LRRC18: variants seen among roughly 807,000 people sequenced by gnomAD.
LRRC18 encodes leucine rich repeat containing 18, also known as leucine-rich repeat-containing protein 18.
In LRRC18, 12 loss-of-function variants were observed where a neutral mutation model predicts 11.2. The observed-to-expected ratio is 1.07, with a 90% confidence interval of 0.69 to 1.74. The LOEUF (loss-of-function observed/expected upper bound fraction) is 1.74. LRRC18 is among the 40% of genes most tolerant of loss of function. LRRC18 has a pLI of 0.00. For synonymous variants in LRRC18, 155 were observed against 130.6 expected, an observed-to-expected ratio of 1.19 and a Z score of -1.27; for missense variants, 374 against 330.5, an observed-to-expected ratio of 1.13 and a Z score of -1.02.
the LRRC18 span, among the ~76,000 whole-genome samples, chr10:48,927,812 C>A: frequency 6.6e-6 from 1 of 152,336 alleles, no homozygotes; most frequent in Non-Finnish European, 1.5e-5. Flanking sequence ...GGTTTAATAG[C>A]ATCTATTTTG....
intron 1 of LRRC18, among the ~76,000 whole-genome samples, chr10:48,911,759 T>C (rs940100658): frequency 5.3e-5 from 8 of 152,148 alleles, no homozygotes; most frequent in South Asian, 2.1e-4. Flanking sequence ...AGCTACTATA[T>C]TTAGTAGTAT....
At chr10:48,920,842 C>T in the LRRC18 span, among the ~76,000 whole-genome samples, 1 of 152,176 alleles carries the variant, frequency 6.6e-6, no homozygotes, top group Non-Finnish European at 1.5e-5. Flanking sequence ...ACAAAACACC[C>T]ATTGCATTTC....
At chr10:48,928,101 T>G in the LRRC18 span, among the ~76,000 whole-genome samples, 1 of 152,174 alleles carries the variant, frequency 6.6e-6, no homozygotes, top group Non-Finnish European at 1.5e-5. Flanking sequence ...TGTTATTTTG[T>G]CTTCTCCTCA....
exon 2 of LRRC18, chr10:48,909,916 G>A (rs1303828990): frequency 3.1e-6 from 1 of 322,486 alleles, no homozygotes; most frequent in African/African-American, 2.1e-5. Context: ...AAATGTAGAG[G>A]CAGTAAGCCT....
At chr10:48,931,533 G>A in the LRRC18 span, among the ~76,000 whole-genome samples, 1 of 152,208 alleles carries the variant, frequency 6.6e-6, no homozygotes, top group East Asian at 1.9e-4. Flanking sequence ...GGGAGGATAT[G>A]TCAAGCAAAA....
At chr10:48,939,237 G>T in the LRRC18 span, among the ~76,000 whole-genome samples, 2 of 152,240 alleles carry the variant, frequency 1.3e-5, no homozygotes, top group African/African-American at 4.8e-5. Flanking sequence ...GAGTAGAAAA[G>T]AATCTCCCCT....
At chr10:48,910,347 G>C in intron 1 of LRRC18, 89 bp from the exon 4 acceptor site, 1 of 1,145,948 alleles carries the variant, frequency 8.7e-7, no homozygotes, top group South Asian at 1.2e-5. Flanking sequence ...AGCTCACCAA[G>C]GTCATGCCTG....
At chr10:48,931,497 G>T in the LRRC18 span, among the ~76,000 whole-genome samples, 1 of 152,214 alleles carries the variant, frequency 6.6e-6, no homozygotes, top group Non-Finnish European at 1.5e-5. Flanking sequence ...GTTGTGAGAG[G>T]GTGGCCCGTA....
chr10:48,928,734 G>T, the LRRC18 span, among the ~76,000 whole-genome samples: 3 of 152,282 alleles, frequency 2.0e-5, no homozygotes, highest in South Asian at 2.1e-4. Flanking sequence ...CCCATCTGCC[G>T]CAGGACAGCT....
upstream of LRRC18, among the ~76,000 whole-genome samples, chr10:48,916,951 A>T (rs1301548972): frequency 1.3e-5 from 2 of 151,894 alleles, no homozygotes; most frequent in African/African-American, 2.4e-5. Context: ...TCAATGACAG[A>T]TTGCATATAT....
At chr10:48,937,399 A>G in the LRRC18 span, among the ~76,000 whole-genome samples, 1 of 152,188 alleles carries the variant, frequency 6.6e-6, no homozygotes. Context: ...AGGGTCCTGG[A>G]GCAAGATCTG....
upstream of LRRC18, among the ~76,000 whole-genome samples, chr10:48,915,732 C>T (rs374080479): frequency 2.2e-4 from 34 of 152,158 alleles, no homozygotes; most frequent in South Asian, 2.1e-4. Flanking sequence ...TCCTACCCTG[C>T]GAAAGGCCTG....
chr10:48,924,126 T>C, the LRRC18 span, among the ~76,000 whole-genome samples: 2 of 152,314 alleles, frequency 1.3e-5, no homozygotes, highest in East Asian at 1.9e-4. Context: ...TAGGATAATG[T>C]ACTTCACCTC....
At chr10:48,930,364 C>T in the LRRC18 span, among the ~76,000 whole-genome samples, 1 of 152,198 alleles carries the variant, frequency 6.6e-6, no homozygotes, top group African/African-American at 2.4e-5. Context: ...TGAGTGTGTA[C>T]CCTCTTGGAG....
At chr10:48,930,729 G>A in the LRRC18 span, among the ~76,000 whole-genome samples, 24 of 152,156 alleles carry the variant, frequency 1.6e-4, no homozygotes, top group African/African-American at 5.1e-4. Flanking sequence ...AACAATAGAT[G>A]AGTGATTAAA....
chr10:48,913,309 CT>C (rs1229390519), intron 1 of LRRC18, 82 bp downstream of exon 3: 8 of 1,337,056 alleles, frequency 6.0e-6, no homozygotes, highest in Non-Finnish European at 8.2e-6. Context: ...CAGGGGAGCC[CT>C]TGGTTTCCTG....
At chr10:48,934,464 T>G in the LRRC18 span, among the ~76,000 whole-genome samples, 1 of 152,194 alleles carries the variant, frequency 6.6e-6, no homozygotes, top group African/African-American at 2.4e-5. Flanking sequence ...TCACAAAGAC[T>G]CTAAGTAGAG....
exon 1 of LRRC18, chr10:48,913,553 C>G: frequency 6.2e-7 from 1 of 1,614,126 alleles, no homozygotes; most frequent in Non-Finnish European, 8.5e-7. Context: ...CCTTCTCCTC[C>G]ACAACATACA....
the LRRC18 span, among the ~76,000 whole-genome samples, chr10:48,937,328 C>T: frequency 6.6e-5 from 10 of 152,196 alleles, no homozygotes; most frequent in Non-Finnish European, 1.5e-4. Flanking sequence ...TGTCAGGTAG[C>T]TGGCATTTCA....
Sources: gnomAD v4.1 joint callset for allele counts (sites outside exome capture counted in the v4.1 genomes callset) on GRCh38, gnomAD v4.1.1 for gene constraint, MANE v1.5 for transcripts, NCBI Gene and HGNC (gene_info 2026-07-23, HGNC 2026-07-21) for gene names.